MYO18B: variants seen among roughly 807,000 people sequenced by gnomAD.
MYO18B encodes the protein myosin XVIIIB, also known as unconventional myosin-XVIIIb.
Under a neutral mutation model 273.0 loss-of-function variants are expected in MYO18B, and 204 were observed. The ratio of observed to expected loss-of-function variants is 0.75; its 90% CI spans 0.67 to 0.84. MYO18B has a LOEUF of 0.84. Among genes scored for constraint, MYO18B ranks in the 40% least tolerant of loss-of-function variants. MYO18B has a pLI of 0.00. For synonymous variants in MYO18B, 1,330 were observed against 1,305.7 expected, an observed-to-expected ratio of 1.02 and a Z score of -0.40; for missense variants, 3,212 against 3,287.6, an observed-to-expected ratio of 0.98 and a Z score of 0.56.
intron 39 of MYO18B, among the ~76,000 whole-genome samples, chr22:25,960,900 A>G (rs1198076589): frequency 6.6e-6 from 1 of 152,194 alleles, no homozygotes; most frequent in East Asian, 1.9e-4. Context: ...TTATAATCCT[A>G]GCACTTTGGG....
At chr22:26,000,552 A>G (rs900331295) in intron 40 of MYO18B, among the ~76,000 whole-genome samples, 1 of 150,946 alleles carries the variant, frequency 6.6e-6, no homozygotes, top group African/African-American at 2.4e-5. Context: ...CAGACAGTAC[A>G]AAGCTCCCCA....
chr22:25,932,599 G>A (rs1001488450), intron 34 of MYO18B, among the ~76,000 whole-genome samples: 1 of 151,802 alleles, frequency 6.6e-6, no homozygotes, highest in Non-Finnish European at 1.5e-5. Flanking sequence ...TAGTAGAGAC[G>A]GGATTTCTCC....
intron 37 of MYO18B, among the ~76,000 whole-genome samples, chr22:25,951,751 A>G (rs891227663): frequency 2.6e-5 from 4 of 152,184 alleles, no homozygotes; most frequent in Non-Finnish European, 5.9e-5. Flanking sequence ...GGATAACAAC[A>G]CGCACAACAA....
chr22:25,915,825 C>T (rs948206837), intron 33 of MYO18B, among the ~76,000 whole-genome samples: 1 of 152,110 alleles, frequency 6.6e-6, no homozygotes, highest in African/African-American at 2.4e-5. Context: ...TTTTTGAAAC[C>T]AGGCACATAA....
rs544560312 is a variant in MYO18B at position 25,893,746 on chromosome 22, A to G, written c.4544-1410A>G. On this transcript the variant is annotated intron_variant, in intron 27 of 43. Coordinates refer to ENST00000335473, the MANE Select transcript of MYO18B (RefSeq NM_032608.7). ...TCACCTCTTTCAAGAACTTAATCCT[A>G]CCATCCATCCATCTATCCATCCATC... is the stretch of plus-strand genomic sequence containing the variant. 5.2e-4 allele frequency among the ~76,000 whole-genome samples: 79 copies of G among 151,776 alleles called. No individual in the cohort carries two copies. The South Asian group carries it at 0.016, about 31-fold the overall frequency.
At chr22:25,906,899 C>T (rs896775876) in intron 31 of MYO18B, among the ~76,000 whole-genome samples, 2 of 152,148 alleles carry the variant, frequency 1.3e-5, no homozygotes, top group African/African-American at 4.8e-5. Flanking sequence ...CCAATCACCT[C>T]CCACCAGGTC....
intron 21 of MYO18B, among the ~76,000 whole-genome samples, chr22:25,857,755 G>T (rs1375232710): frequency 6.6e-6 from 1 of 152,220 alleles, no homozygotes; most frequent in African/African-American, 2.4e-5. Flanking sequence ...CTGGGTTCAA[G>T]TGATTCTCCT....
intron 18 of MYO18B, among the ~76,000 whole-genome samples, chr22:25,844,662 C>G (rs567273678): frequency 6.6e-6 from 1 of 152,348 alleles, no homozygotes; most frequent in East Asian, 1.9e-4. Context: ...CACAGCAGAA[C>G]AGTGGCACAG....
In MYO18B at chr22:25,911,069, C is replaced by G; in HGVS notation, c.5364+19C>G. 1 of 1,553,842 alleles carries G rather than the reference C, an allele frequency of 6.4e-7. No individual in the cohort carries two copies. The highest frequency in any genetic ancestry group is 8.8e-7 in the Non-Finnish European group (1 of 1,137,502). On this transcript the variant is annotated intron_variant, in intron 33 of 43. Transcript: ENST00000335473. ...TGACCAGGTAAGGGGGAGACATTGGCAGACATTCAGAGGAGTATCTCAGGG... is the reference window on the plus strand; with the variant it reads ...TGACCAGGTAAGGGGGAGACATTGGGAGACATTCAGAGGAGTATCTCAGGG...
rs146359236 is a variant in MYO18B at position 25,742,219 on chromosome 22, G to A, written c.-184G>A. ...TCGCTCCTGCTTTCCCGGCTCGGTGGGGTCCCTTCGCGGCCACCCGGGGAG... is the reference window on the plus strand; with the variant it reads ...TCGCTCCTGCTTTCCCGGCTCGGTGAGGTCCCTTCGCGGCCACCCGGGGAG... On this transcript the variant is annotated 5_prime_UTR_variant, in exon 1 of 44. Transcript: ENST00000335473. 1 of 152,608 alleles carries A rather than the reference G, an allele frequency of 6.6e-6. No homozygotes were observed. Among genetic ancestry groups the A allele is most frequent in the Non-Finnish European group, 1.5e-5 (1 of 68,296 alleles). The allele number at this position is 152,608 out of a possible 1,614,324, so 9.5% of individuals were successfully genotyped here.
At chr22:25,865,744 C>A (rs1401477901) in intron 21 of MYO18B, among the ~76,000 whole-genome samples, 3 of 151,990 alleles carry the variant, frequency 2.0e-5, no homozygotes, top group Non-Finnish European at 1.5e-5. Flanking sequence ...ATTTTTTTTC[C>A]CCCAAAACAT....
chr22:25,891,391 GA>G lies in MYO18B; in HGVS notation c.4525del (p.Arg1509GlyfsTer39). The G allele has an allele frequency of 6.3e-7, 1 of 1,582,530 alleles. No homozygotes were observed. Among genetic ancestry groups the G allele is most frequent in the Non-Finnish European group, 8.6e-7 (1 of 1,163,778 alleles). On this transcript the variant is annotated frameshift_variant, in exon 27 of 44. Transcript: ENST00000335473. LOFTEE classifies it high-confidence loss of function. ...AQQKIQLNDL[E>X]RNPTGGADEW... ...GCAGAAAATTCAGTTGAATGACTTG[GA>G]AAGGAATCCCACTGGAGGAGGTGAG...
In MYO18B at chr22:25,893,927, A is replaced by ACATC. The variant is rs61392072; in HGVS notation, c.4544-1205_4544-1202dup. ...TGCACCCACTTCTCTGTCTACACTAACATCCATCCATCCATCCATCCATCC... is the reference window on the plus strand; with the variant it reads ...TGCACCCACTTCTCTGTCTACACTAACATCCATCCATCCATCCATCCATCCATCC... On this transcript the variant is annotated intron_variant, in intron 27 of 43. Coordinates refer to ENST00000335473, the MANE Select transcript of MYO18B (RefSeq NM_032608.7). Among the ~76,000 whole-genome samples, 700 of 150,920 alleles carry ACATC rather than the reference A, an allele frequency of 4.6e-3. 5 individuals are homozygous for ACATC. Among genetic ancestry groups the ACATC allele is most frequent in the East Asian group, 0.02 (101 of 5,128 alleles).
intron 34 of MYO18B, among the ~76,000 whole-genome samples, chr22:25,938,744 G>C (rs1285982035): frequency 6.6e-6 from 1 of 152,168 alleles, no homozygotes; most frequent in East Asian, 1.9e-4. Context: ...GTAAATAATT[G>C]TTACTCTGTC....
At chr22:25,986,196 C>T (rs1048112802) in intron 39 of MYO18B, among the ~76,000 whole-genome samples, 4 of 152,212 alleles carry the variant, frequency 2.6e-5, no homozygotes, top group Non-Finnish European at 5.9e-5. Context: ...GAGTTAACCT[C>T]TCTGAGCCTC....
intron 22 of MYO18B, among the ~76,000 whole-genome samples, chr22:25,869,049 C>A (rs562060435): frequency 3.5e-4 from 54 of 152,258 alleles, no homozygotes; most frequent in African/African-American, 1.3e-3. Context: ...CTAGTACCAT[C>A]TTCTGGAGCT....
intron 11 of MYO18B, among the ~76,000 whole-genome samples, chr22:25,791,628 A>G (rs1751293285): frequency 6.6e-6 from 1 of 152,046 alleles, no homozygotes; most frequent in Admixed American, 6.6e-5. Context: ...AAATGTGCCC[A>G]GCAGCAGTGG....
At chr22:25,928,394 C>G (rs181505592) in intron 34 of MYO18B, among the ~76,000 whole-genome samples, 1 of 145,228 alleles carries the variant, frequency 6.9e-6, no homozygotes, top group South Asian at 2.2e-4. Flanking sequence ...CATAGTAAGA[C>G]CCGGCCTCAA....
chr22:25,997,978 C>CACACACACACGAGAGAGAGAGAGAGA (rs34431605), intron 40 of MYO18B, among the ~76,000 whole-genome samples: 7 of 144,548 alleles, frequency 4.8e-5, no homozygotes, highest in Non-Finnish European at 1.1e-4. Flanking sequence ...CACACACACA[C>CACACACACACGAGAGAGAGAGAGAGA]GAGAGAGAGA....
Sources: allele counts gnomAD v4.1 joint callset (sites outside exome capture counted in the v4.1 genomes callset), GRCh38; gene constraint gnomAD v4.1.1; transcripts MANE v1.5; gene names NCBI Gene and HGNC (gene_info 2026-07-23, HGNC 2026-07-21).